TTC28: variants seen among roughly 807,000 people sequenced by gnomAD.
The protein encoded by TTC28 is tetratricopeptide repeat protein 28.
In TTC28, 61 loss-of-function variants were observed where a neutral mutation model predicts 198.0. The ratio of observed to expected loss-of-function variants is 0.31; its 90% CI spans 0.25 to 0.38. The LOEUF (loss-of-function observed/expected upper bound fraction) is 0.38. TTC28 is among the 10% of genes least tolerant of loss of function. TTC28 has a pLI of 1.00. For synonymous variants in TTC28, 1,171 were observed against 1,297.8 expected (o/e 0.90, Z 2.10); for missense variants, 2,678 against 3,164.0 (o/e 0.85, Z 3.69).
chr22:28,505,527 T>C (rs553972890), intron 2 of TTC28, among the ~76,000 whole-genome samples: 4 of 151,952 alleles, frequency 2.6e-5, no homozygotes, highest in African/African-American at 4.8e-5. Flanking sequence ...CCAAGGGAAG[T>C]AGTGAGGGAA....
chr22:28,414,461 A>C (rs2047137776), intron 2 of TTC28, among the ~76,000 whole-genome samples: 1 of 152,226 alleles, frequency 6.6e-6, no homozygotes, highest in African/African-American at 2.4e-5. Flanking sequence ...ATCAACTGAG[A>C]AGTCAGTTCT....
chr22:28,325,529 C>T (rs1485627165), intron 2 of TTC28, among the ~76,000 whole-genome samples: 1 of 152,098 alleles, frequency 6.6e-6, no homozygotes, highest in Non-Finnish European at 1.5e-5. Flanking sequence ...CTGTGAAAGA[C>T]ATTTTTAAGA....
At chr22:28,340,918 C>T (rs542563292) in intron 2 of TTC28, among the ~76,000 whole-genome samples, 131 of 152,190 alleles carry the variant, frequency 8.6e-4, no homozygotes, top group African/African-American at 3.0e-3. Context: ...AATATATGCT[C>T]CACATTGGTT....
intron 2 of TTC28, among the ~76,000 whole-genome samples, chr22:28,334,724 G>A (rs1163153578): frequency 6.6e-6 from 1 of 152,108 alleles, no homozygotes; most frequent in Non-Finnish European, 1.5e-5. Flanking sequence ...ATTTGTTTGA[G>A]GTCACTGTAG....
At chr22:28,020,179 T>C (rs1319875321) in intron 13 of TTC28, among the ~76,000 whole-genome samples, 1 of 152,204 alleles carries the variant, frequency 6.6e-6, no homozygotes, top group Non-Finnish European at 1.5e-5. Context: ...GCTCCGGGCT[T>C]CACAGCTGCA....
chr22:28,628,357 CATG>C (rs1203155103), intron 2 of TTC28, among the ~76,000 whole-genome samples: 1 of 152,124 alleles, frequency 6.6e-6, no homozygotes, highest in Non-Finnish European at 1.5e-5. Flanking sequence ...AGGTATACAA[CATG>C]ATATTTTTGC....
chr22:28,339,371 T>C (rs2045789835), intron 2 of TTC28, among the ~76,000 whole-genome samples: 1 of 152,182 alleles, frequency 6.6e-6, no homozygotes, highest in African/African-American at 2.4e-5. Flanking sequence ...CTGTCCATTC[T>C]CAGATCTCCA....
intron 2 of TTC28, among the ~76,000 whole-genome samples, chr22:28,516,156 AAAAG>A (rs928983806): frequency 1.3e-5 from 2 of 152,084 alleles, no homozygotes; most frequent in Non-Finnish European, 2.9e-5. Flanking sequence ...AAAAAAAAAA[AAAAG>A]CTGAGTGAAT....
intron 2 of TTC28, among the ~76,000 whole-genome samples, chr22:28,622,059 G>A (rs988483777): frequency 1.3e-4 from 20 of 152,142 alleles, no homozygotes; most frequent in Non-Finnish European, 1.9e-4. Flanking sequence ...AAGTACTAAC[G>A]AGTGAAGAGA....
intron 5 of TTC28, among the ~76,000 whole-genome samples, chr22:28,261,705 G>A (rs565969362): frequency 6.6e-6 from 1 of 152,140 alleles, no homozygotes; most frequent in Non-Finnish European, 1.5e-5. Flanking sequence ...CAGAGGTCCT[G>A]CAGAAAGAAG....
At chr22:28,489,746 T>A (rs1360133079) in intron 2 of TTC28, among the ~76,000 whole-genome samples, 1 of 151,946 alleles carries the variant, frequency 6.6e-6, no homozygotes, top group African/African-American at 2.4e-5. Context: ...TACAGTGAGA[T>A]CTCATCTCCC....
At chr22:28,112,025 GCCT>G (rs1942493989) in intron 6 of TTC28, among the ~76,000 whole-genome samples, 1 of 152,154 alleles carries the variant, frequency 6.6e-6, no homozygotes, top group Non-Finnish European at 1.5e-5. Flanking sequence ...CTGTTTACAA[GCCT>G]GGCTCCCACC....
intron 1 of TTC28, among the ~76,000 whole-genome samples, chr22:28,647,771 G>A (rs559404329): frequency 1.5e-4 from 23 of 151,934 alleles, no homozygotes; most frequent in African/African-American, 2.4e-4. Flanking sequence ...CCTGGGAGGC[G>A]AAGCTTGCAG....
At chr22:28,616,720 G>A (rs1242519536) in intron 2 of TTC28, among the ~76,000 whole-genome samples, 1 of 151,954 alleles carries the variant, frequency 6.6e-6, no homozygotes, top group East Asian at 1.9e-4. Flanking sequence ...AGTGGCATGC[G>A]CCTGCAGTCC....
intron 5 of TTC28, among the ~76,000 whole-genome samples, chr22:28,176,719 A>G: frequency 6.6e-6 from 1 of 152,328 alleles, no homozygotes; most frequent in South Asian, 2.1e-4. Context: ...AAAAAGAGAA[A>G]TACATTTTTT....
chr22:28,498,845 C>T (rs148887163), intron 2 of TTC28, among the ~76,000 whole-genome samples: 28 of 152,218 alleles, frequency 1.8e-4, no homozygotes, highest in African/African-American at 6.5e-4. Flanking sequence ...TGTAATTTCT[C>T]TCTTTACTGG....
At chr22:28,351,225 G>A (rs1402226707) in intron 2 of TTC28, among the ~76,000 whole-genome samples, 1 of 152,030 alleles carries the variant, frequency 6.6e-6, no homozygotes, top group Admixed American at 6.6e-5. Context: ...ATCAGGAAAG[G>A]ACTGGCAACA....
At chr22:28,218,117 T>A (rs943958422) in intron 5 of TTC28, among the ~76,000 whole-genome samples, 1 of 152,214 alleles carries the variant, frequency 6.6e-6, no homozygotes, top group Non-Finnish European at 1.5e-5. Context: ...CGTGCTTTTT[T>A]AAGGTTAGCT....
intron 6 of TTC28, among the ~76,000 whole-genome samples, chr22:28,139,287 AG>A (rs1424065334): frequency 6.6e-6 from 1 of 152,204 alleles, no homozygotes; most frequent in Non-Finnish European, 1.5e-5. Context: ...ATGAAACAAC[AG>A]AAAACAAAAC....
Sources: allele counts gnomAD v4.1 joint callset (sites outside exome capture counted in the v4.1 genomes callset), GRCh38; gene constraint gnomAD v4.1.1; transcripts MANE v1.5; gene names NCBI Gene and HGNC (gene_info 2026-07-23, HGNC 2026-07-21).